Variants in RSRC1 observed in about 807,000 individuals in gnomAD.
RSRC1 encodes serine/Arginine-related protein 53.
Under a neutral mutation model 49.1 loss-of-function variants are expected in RSRC1, and 39 were observed. The observed-to-expected ratio is 0.79, with a 90% CI of 0.61 to 1.04. The LOEUF (loss-of-function observed/expected upper bound fraction) is 1.04. RSRC1 is among the 50% of genes least tolerant of loss of function. The probability of loss-of-function intolerance (pLI) is 0.00; values close to 1 mark genes in which losing one functional copy is unlikely to be tolerated. For missense variants in RSRC1, 388 were observed against 402.4 expected, an observed-to-expected ratio of 0.96 and a Z score of 0.31; for synonymous variants, 143 against 130.8, an observed-to-expected ratio of 1.09 and a Z score of -0.63.
chr3:158,246,906 T>A lies in RSRC1; in HGVS notation c.494+43661T>A, dbSNP rs1009596543. ...GTTCTGTGGGGTTCTCTGCATTTTC[T>A]GAATTTGAATGTTGGCCTGTCTTGC... On this transcript the variant is annotated intron_variant, in intron 4 of 9. Coordinates refer to ENST00000611884, the MANE Select transcript of RSRC1 (RefSeq NM_001271838.2). 2.0e-5 allele frequency among the ~76,000 whole-genome samples: 3 copies of A among 152,182 alleles called. 1 individual carries two copies. The South Asian group carries it at 6.2e-4, about 32-fold the overall frequency.
rs188167913 is a variant in RSRC1, at chr3:158,538,530, A to G, written c.759+1332A>G. Among the ~76,000 whole-genome samples the G allele has an allele frequency of 4.5e-4, 68 of 152,034 alleles. 5 individuals carry two copies. In the East Asian group the frequency reaches 5.8e-3, roughly 13 times the overall value. ...ATATTTGTTTGTGAAGTTTACCCTG[A>G]CATCCCAGTTTTTATTGGACTCTCT... On this transcript the variant is annotated intron_variant, in intron 8 of 9. Coordinates refer to ENST00000611884, the MANE Select transcript of RSRC1 (RefSeq NM_001271838.2).
At chr3:158,139,149 C>G (rs1021855210) in intron 3 of RSRC1, among the ~76,000 whole-genome samples, 10 of 151,926 alleles carry the variant, frequency 6.6e-5, no homozygotes, top group Admixed American at 5.9e-4. Flanking sequence ...ACCTGTAATC[C>G]CAGCACTTTG....
At chr3:158,376,250 G>C (rs1242118414) in intron 6 of RSRC1, among the ~76,000 whole-genome samples, 1 of 144,448 alleles carries the variant, frequency 6.9e-6, no homozygotes, top group Non-Finnish European at 1.5e-5. Context: ...GGAGTGCAGT[G>C]GTGCAATATT....
At chr3:158,429,354 GAA>G (rs1459252440) in intron 6 of RSRC1, among the ~76,000 whole-genome samples, 33 of 147,526 alleles carry the variant, frequency 2.2e-4, no homozygotes, top group African/African-American at 7.6e-4. Flanking sequence ...TTTGGAGTGT[GAA>G]AAACAAAGTA....
intron 6 of RSRC1, among the ~76,000 whole-genome samples, chr3:158,409,296 G>A (rs1734308754): frequency 6.6e-6 from 1 of 152,108 alleles, no homozygotes; most frequent in Non-Finnish European, 1.5e-5. Context: ...TTTAAAAAAT[G>A]CTGCATTTGA....
At chr3:158,196,485 C>G (rs1720625876) in intron 3 of RSRC1, among the ~76,000 whole-genome samples, 1 of 152,048 alleles carries the variant, frequency 6.6e-6, no homozygotes, top group Admixed American at 6.6e-5. Flanking sequence ...AATTGAATAC[C>G]CTTTATTTCC....
At chr3:158,303,547 T>C (rs1356047483) in intron 5 of RSRC1, 2 of 152,160 alleles carry the variant, frequency 1.3e-5, no homozygotes, top group East Asian at 1.9e-4. Context: ...GATTTGAAAT[T>C]ATGCATTTCA....
At chr3:158,261,842 A>G (rs533249822) in intron 4 of RSRC1, among the ~76,000 whole-genome samples, 1 of 152,364 alleles carries the variant, frequency 6.6e-6, no homozygotes, top group East Asian at 1.9e-4. Context: ...GCTCCCATTA[A>G]TTCTACATTA....
At chr3:158,516,637 C>T (rs1461449988) in intron 7 of RSRC1, among the ~76,000 whole-genome samples, 1 of 152,218 alleles carries the variant, frequency 6.6e-6, no homozygotes. Flanking sequence ...GTTGGAGCTT[C>T]CCGGCTGCTT....
rs546059227 is a variant in RSRC1, at chr3:158,157,378, C to CAGAGTG, written c.320+33389_320+33390insAGTGAG. On this transcript the variant is annotated intron_variant, in intron 3 of 9. Coordinates refer to ENST00000611884, the MANE Select transcript of RSRC1 (RefSeq NM_001271838.2). ...GTCTTACAACTGTATCGAGGACTCACAGCAAACAGAGTGGAACTAGGATTT... is the reference window on the plus strand; with the variant it reads ...GTCTTACAACTGTATCGAGGACTCACAGAGTGAGCAAACAGAGTGGAACTAGGATTT... 2.0e-3 allele frequency among the ~76,000 whole-genome samples: 312 copies of CAGAGTG among 152,280 alleles called. 1 individual carries two copies. Among genetic ancestry groups the CAGAGTG allele is most frequent in the Non-Finnish European group, 4.0e-3 (272 of 68,018 alleles).
At chr3:158,473,138 A>G (rs55698028) in intron 7 of RSRC1, among the ~76,000 whole-genome samples, 6,323 of 152,310 alleles carry the variant, frequency 0.042, 185 homozygotes, top group Middle Eastern at 0.13. Context: ...TAGAAATACC[A>G]TATGACCCAG....
chr3:158,292,741 T>C (rs1168859076), intron 4 of RSRC1, among the ~76,000 whole-genome samples: 1 of 152,222 alleles, frequency 6.6e-6, no homozygotes, highest in African/African-American at 2.4e-5. Context: ...TTAAGACTTT[T>C]GTGTTTAAAT....
intron 7 of RSRC1, among the ~76,000 whole-genome samples, chr3:158,481,860 C>G (rs990468424): frequency 1.3e-5 from 2 of 151,886 alleles, no homozygotes; most frequent in Non-Finnish European, 2.9e-5. Context: ...AATGTGGGCT[C>G]TACTAGAATG....
At chr3:158,358,293 G>A (rs1487072926) in intron 6 of RSRC1, among the ~76,000 whole-genome samples, 1 of 152,072 alleles carries the variant, frequency 6.6e-6, no homozygotes, top group African/African-American at 2.4e-5. Context: ...AATTCACCTG[G>A]ACTTAATTAT....
chr3:158,185,250 A>G lies in RSRC1; in HGVS notation c.321-17822A>G, dbSNP rs1408372220. 2.0e-5 allele frequency among the ~76,000 whole-genome samples: 3 copies of G among 152,078 alleles called. No homozygotes were observed. In the East Asian group the frequency reaches 5.8e-4, roughly 29 times the overall value. Reference sequence around the variant, plus strand: ...ATACCTAAGTGGGAGGCTTCACACTATTTATTTGGCTAGGTGAGAAAACAG... The same window carrying G: ...ATACCTAAGTGGGAGGCTTCACACTGTTTATTTGGCTAGGTGAGAAAACAG... On this transcript the variant is annotated intron_variant, in intron 3 of 9. Coordinates refer to ENST00000611884, the MANE Select transcript of RSRC1 (RefSeq NM_001271838.2).
chr3:158,268,971 T>C (rs1160823633), intron 4 of RSRC1, among the ~76,000 whole-genome samples: 1 of 152,204 alleles, frequency 6.6e-6, no homozygotes, highest in Non-Finnish European at 1.5e-5. Flanking sequence ...TACATAATTA[T>C]ATGAGACTGT....
chr3:158,135,542 A>C (rs572381323), intron 3 of RSRC1, among the ~76,000 whole-genome samples: 16 of 152,036 alleles, frequency 1.1e-4, no homozygotes, highest in African/African-American at 2.4e-4. Flanking sequence ...GGCCTCCCAA[A>C]GTGCTGGGAT....
intron 7 of RSRC1, among the ~76,000 whole-genome samples, chr3:158,534,656 CTATT>C (rs1445961792): frequency 2.6e-5 from 4 of 151,578 alleles, no homozygotes; most frequent in Non-Finnish European, 1.5e-5. Flanking sequence ...ATGCACGTGG[CTATT>C]TATTAAAGCT....
chr3:158,113,974 T>G (rs1259678713), intron 1 of RSRC1, among the ~76,000 whole-genome samples: 2 of 152,334 alleles, frequency 1.3e-5, no homozygotes, highest in East Asian at 3.9e-4. Context: ...ATAATTTCTT[T>G]TGCTGTGCAG....
Sources: gnomAD v4.1 joint callset for allele counts (sites outside exome capture counted in the v4.1 genomes callset) on GRCh38, gnomAD v4.1.1 for gene constraint, MANE v1.5 for transcripts, NCBI Gene and HGNC (gene_info 2026-07-23, HGNC 2026-07-21) for gene names.